The following KCNQ1OT1 variants were observed in gnomAD, a reference collection of about 807,000 sequenced individuals.
KCNQ1OT1 encodes KCNQ1 antisense RNA 2 (non-protein coding).
rs1848928221 is a variant in KCNQ1OT1, at chr11:2,608,899, C to T, written n.91096G>A. On this transcript the variant is annotated non_coding_transcript_exon_variant, in exon 1 of 1. Transcript: ENST00000597346. The surrounding 1 kb of genome is among the most constrained non-coding windows in gnomAD (Gnocchi z 4.6). The stretch of plus-strand genomic sequence containing the variant: ...ACTTCCCTCTCTGTCTTTCCTCCTC[C>T]CCCTCTTTCTTCCTCCCCTTCTTTT... 2.5e-6 allele frequency: 1 copy of T among 398,278 alleles called. No homozygotes were observed. Among genetic ancestry groups the T allele is most frequent in the Non-Finnish European group, 4.4e-6 (1 of 226,000 alleles). The allele number at this position is 398,278 out of a possible 1,614,324, so 24.7% of individuals were successfully genotyped here. A position where few individuals can be genotyped will look rare whatever the true frequency, so the allele number is the denominator to read the frequency against.
Position 2,647,416 on chromosome 11 carries a change from T to G in KCNQ1OT1, n.52579A>C. 2.5e-6 allele frequency: 1 copy of G among 398,604 alleles called. No homozygotes were observed. The allele number at this position is 398,604 out of a possible 1,614,324, so 24.7% of individuals were successfully genotyped here. A position where few individuals can be genotyped will look rare whatever the true frequency, so the allele number is the denominator to read the frequency against. ...GTGTGTGTGTTTTGTTTCTGAGGAT[T>G]CTGCATCTATGTTCATCAGGGAGAT... On this transcript the variant is annotated non_coding_transcript_exon_variant, in exon 1 of 1. Coordinates refer to ENST00000597346, the Ensembl canonical transcript of KCNQ1OT1. The surrounding 1 kb of genome is among the most constrained non-coding windows in gnomAD (Gnocchi z 4.0).
chr11:2,694,084 C>A, exon 1 of KCNQ1OT1: 1 of 398,666 alleles, frequency 2.5e-6, no homozygotes, highest in African/African-American at 2.1e-5. Flanking sequence ...TCCAACTAAA[C>A]CTCTGGGTGG....
chr11:2,689,043 G>C (rs1850545129), exon 1 of KCNQ1OT1: 1 of 398,782 alleles, frequency 2.5e-6, no homozygotes, highest in South Asian at 1.3e-4. Context: ...GCAGGGTTTT[G>C]AGGGGCAGTT....
Position 2,683,058 on chromosome 11 carries a change from G to A in KCNQ1OT1, n.16937C>T, listed in dbSNP as rs1590029674. 1.0e-5 allele frequency: 4 copies of A among 398,660 alleles called. No individual in the cohort carries two copies. The East Asian group carries it at 1.4e-4, about 14-fold the overall frequency. The allele number at this position is 398,660 out of a possible 1,614,324, so 24.7% of individuals were successfully genotyped here. A position where few individuals can be genotyped will look rare whatever the true frequency, so the allele number is the denominator to read the frequency against. Reference sequence around the variant, plus strand: ...CCTTCTCCCACTTCTTACAGGCAAGGCTCTTGCTAGCCTGAGGACCAGGAG... The same window carrying A: ...CCTTCTCCCACTTCTTACAGGCAAGACTCTTGCTAGCCTGAGGACCAGGAG... On this transcript the variant is annotated non_coding_transcript_exon_variant, in exon 1 of 1. Transcript: ENST00000597346. The surrounding 1 kb of genome is among the most constrained non-coding windows in gnomAD (Gnocchi z 4.7).
Position 2,677,224 on chromosome 11 carries a change from G to A in KCNQ1OT1, n.22771C>T, listed in dbSNP as rs1444547120. ...CTTTGGCTGTCTCTTGTCAACCAAA[G>A]ACAATATAAAGCACACACAAAGTAA... On this transcript the variant is annotated non_coding_transcript_exon_variant, in exon 1 of 1. Transcript: ENST00000597346. The surrounding 1 kb of genome is among the most constrained non-coding windows in gnomAD (Gnocchi z 4.5). 2.5e-6 allele frequency: 1 copy of A among 398,400 alleles called. No homozygotes were observed. The highest frequency in any genetic ancestry group is 3.6e-5 in the East Asian group (1 of 28,078). 24.7% of individuals were successfully genotyped at this position (398,400 alleles called of 1,614,324 possible).
In KCNQ1OT1 at chr11:2,659,830, TTTATG is replaced by T. The variant is rs1218569995; in HGVS notation, n.40160_40164del. On this transcript the variant is annotated non_coding_transcript_exon_variant, in exon 1 of 1. Coordinates refer to ENST00000597346, the Ensembl canonical transcript of KCNQ1OT1. This position sits in a 1 kb window ranked among gnomAD's most constrained non-coding sequence, Gnocchi z 4.3. ...TGTGATTCTAATTTGCATTTCCATA[TTTATG>T]TTAATTATGTATCTTTTCATGTGCT... The T allele has an allele frequency of 1.0e-5, 4 of 398,400 alleles. No homozygotes were observed. Among genetic ancestry groups the T allele is most frequent in the Non-Finnish European group, 4.4e-6 (1 of 226,016 alleles). The allele number at this position is 398,400 out of a possible 1,614,324, so 24.7% of individuals were successfully genotyped here. A position where few individuals can be genotyped will look rare whatever the true frequency, so the allele number is the denominator to read the frequency against.
At position 2,663,202 on chromosome 11, in the gene KCNQ1OT1, A is replaced by C; in HGVS notation, n.36793T>G. ...AGGTTGGCAGTACCTCATGGTGGGT[A>C]GGGTGTGAAGAGGCTCCAAGGGAGC... On this transcript the variant is annotated non_coding_transcript_exon_variant, in exon 1 of 1. Coordinates refer to ENST00000597346, the Ensembl canonical transcript of KCNQ1OT1. The surrounding 1 kb of genome is among the most constrained non-coding windows in gnomAD (Gnocchi z 5.2). The C allele has an allele frequency of 2.5e-6, 1 of 398,716 alleles. No homozygotes were observed. The highest frequency in any genetic ancestry group is 4.4e-6 in the Non-Finnish European group (1 of 226,164). 24.7% of individuals were successfully genotyped at this position (398,716 alleles called of 1,614,324 possible). A position where few individuals can be genotyped will look rare whatever the true frequency, so the allele number is the denominator to read the frequency against.
rs527592056 is a variant in KCNQ1OT1 at position 2,630,099 on chromosome 11, C to T, written n.69896G>A. On this transcript the variant is annotated non_coding_transcript_exon_variant, in exon 1 of 1. Transcript: ENST00000597346. ...TGTGTTGCAGTACATTCCTTCTATA[C>T]CTAATTTGTTCATAGTTTTTATCAT... The T allele has an allele frequency of 4.0e-5, 16 of 398,278 alleles. No homozygotes were observed. The South Asian group carries it at 5.1e-4, about 13-fold the overall frequency. The allele number at this position is 398,278 out of a possible 1,614,324, so 24.7% of individuals were successfully genotyped here.
exon 1 of KCNQ1OT1, chr11:2,681,673 C>T (rs986924171): frequency 5.0e-6 from 2 of 397,320 alleles, no homozygotes; most frequent in Non-Finnish European, 8.9e-6. Flanking sequence ...GCTCCCTCAC[C>T]CTTAAAGACC....
At chr11:2,625,831 A>G (rs1849253093) in exon 1 of KCNQ1OT1, 3 of 398,404 alleles carry the variant, frequency 7.5e-6, no homozygotes, top group Non-Finnish European at 1.3e-5. Context: ...AGCCTCCCAA[A>G]GTACTGGGAT....
chr11:2,667,147 C>G (rs1850089642), exon 1 of KCNQ1OT1: 1 of 398,564 alleles, frequency 2.5e-6, no homozygotes, highest in South Asian at 1.3e-4. Context: ...GATTGGGAAT[C>G]AGATGCCCTC....
Position 2,677,390 on chromosome 11 carries a change from G to A in KCNQ1OT1, n.22605C>T, listed in dbSNP as rs914506765. On this transcript the variant is annotated non_coding_transcript_exon_variant, in exon 1 of 1. Transcript: ENST00000597346. The surrounding 1 kb of genome is among the most constrained non-coding windows in gnomAD (Gnocchi z 4.5). ...GTTAATCAGTTGAAGAGGAAACCAA[G>A]ATCGATGCCTAGATAAGCATTTCAG... 2 of 398,484 alleles carry A rather than the reference G, an allele frequency of 5.0e-6. No individual in the cohort carries two copies. The highest frequency in any genetic ancestry group is 4.1e-5 in the African/African-American group (2 of 48,630). 24.7% of individuals were successfully genotyped at this position (398,484 alleles called of 1,614,324 possible).
chr11:2,618,772 AT>A (rs1223019487), exon 1 of KCNQ1OT1: 41 of 398,424 alleles, frequency 1.0e-4, no homozygotes, highest in Non-Finnish European at 4.4e-6. Context: ...ATTGATTTGG[AT>A]ATTATTGACA....
chr11:2,610,964 TCAA>T (rs1362980414), exon 1 of KCNQ1OT1: 9 of 398,182 alleles, frequency 2.3e-5, no homozygotes, highest in Admixed American at 4.4e-5. Flanking sequence ...AGACAGAAAA[TCAA>T]CAAGAGTTAG....
Position 2,687,221 on chromosome 11 carries a change from G to A in KCNQ1OT1, n.12774C>T, listed in dbSNP as rs1426338134. On this transcript the variant is annotated non_coding_transcript_exon_variant, in exon 1 of 1. Coordinates refer to ENST00000597346, the Ensembl canonical transcript of KCNQ1OT1. The surrounding 1 kb of genome is among the most constrained non-coding windows in gnomAD (Gnocchi z 5.0). The stretch of plus-strand genomic sequence containing the variant: ...GGAGCATCACACTGTTGGGAAATGT[G>A]CAATTTTCACTCAGCCAGCATCACT... The A allele has an allele frequency of 7.5e-6, 3 of 398,642 alleles. No homozygotes were observed. Among genetic ancestry groups the A allele is most frequent in the Non-Finnish European group, 1.3e-5 (3 of 226,076 alleles). 24.7% of individuals were successfully genotyped at this position (398,642 alleles called of 1,614,324 possible).
rs1370701601 is a variant in KCNQ1OT1, at chr11:2,671,111, T to TA, written n.28883dup. The TA allele has an allele frequency of 5.4e-6, 2 of 371,618 alleles. No individual in the cohort carries two copies. The highest frequency in any genetic ancestry group is 9.2e-6 in the Non-Finnish European group (2 of 216,786). 23.0% of individuals were successfully genotyped at this position (371,618 alleles called of 1,614,324 possible). On this transcript the variant is annotated non_coding_transcript_exon_variant, in exon 1 of 1. Transcript: ENST00000597346. This position sits in a 1 kb window ranked among gnomAD's most constrained non-coding sequence, Gnocchi z 4.7. ...AAGTCTGGCAGTTAGTCTGAGCAGT[T>TA]AGTCTGTCAGGCCTGGTTGGTCCCA...
exon 1 of KCNQ1OT1, chr11:2,680,810 C>G (rs1442535336): frequency 7.6e-6 from 2 of 262,020 alleles, no homozygotes; most frequent in East Asian, 1.2e-4. Flanking sequence ...ATAAATGGAA[C>G]CACATAGCAA....
At chr11:2,699,842 G>A (rs888340880) in exon 1 of KCNQ1OT1, 57 of 397,510 alleles carry the variant, frequency 1.4e-4, no homozygotes, top group Admixed American at 1.3e-3. Context: ...GGAGGACCGC[G>A]CTGAGGGGCG....
In KCNQ1OT1 at chr11:2,661,752, C is replaced by A; in HGVS notation, n.38243G>T. 1 of 632,236 alleles carries A rather than the reference C, an allele frequency of 1.6e-6. No individual in the cohort carries two copies. The highest frequency in any genetic ancestry group is 1.8e-5 in the South Asian group (1 of 54,800). 39.2% of individuals were successfully genotyped at this position (632,236 alleles called of 1,614,324 possible). ...CGAAGATGATTCACTGGCCTTTATT[C>A]TCCTCAGACACTGAGGTGTCAGGCA... is the stretch of plus-strand genomic sequence containing the variant. On this transcript the variant is annotated non_coding_transcript_exon_variant, in exon 1 of 1. Coordinates refer to ENST00000597346, the Ensembl canonical transcript of KCNQ1OT1. This position sits in a 1 kb window ranked among gnomAD's most constrained non-coding sequence, Gnocchi z 5.9.
Sources: gnomAD v4.1 joint callset for allele counts on GRCh38, gnomAD v4.1.1 for gene constraint, Gnocchi (gnomAD v3.1) non-coding constraint, MANE v1.5 for transcripts, NCBI Gene and HGNC (gene_info 2026-07-23, HGNC 2026-07-21) for gene names.